ANKRD11: variants seen among roughly 807,000 people sequenced by gnomAD.
The protein encoded by ANKRD11 is ankyrin repeat domain 11, also known as ankyrin repeat domain-containing protein 11.
Under a neutral mutation model 195.7 loss-of-function variants are expected in ANKRD11, and 17 were observed. The ratio of observed to expected loss-of-function variants is 0.09; its 90% CI spans 0.06 to 0.13. The LOEUF is 0.13. Among genes scored for constraint, ANKRD11 ranks in the 10% least tolerant of loss-of-function variants. The probability of loss-of-function intolerance (pLI) is 1.00; values close to 1 mark genes in which losing one functional copy is unlikely to be tolerated. For synonymous variants in ANKRD11, 1,953 were observed against 1,528.1 expected, an observed-to-expected ratio of 1.28 and a Z score of -6.49; for missense variants, 3,735 against 3,566.1, an observed-to-expected ratio of 1.05 and a Z score of -1.21.
intron 11 of ANKRD11, 191 bp downstream of exon 11, chr16:89,274,623 C>A (rs1188481316): frequency 2.4e-6 from 2 of 826,994 alleles, no homozygotes; most frequent in African/African-American, 3.4e-5. Context: ...TGTCTGCTGT[C>A]TGCTGCAGCC....
intron 2 of ANKRD11, among the ~76,000 whole-genome samples, chr16:89,354,482 ACAGAGGG>A (rs1210047119): frequency 6.6e-6 from 1 of 152,224 alleles, no homozygotes. Flanking sequence ...TGGAAATGTC[ACAGAGGG>A]CAGAGGGCAG....
At chr16:89,477,429 C>A (rs1472059420) in intron 1 of ANKRD11, among the ~76,000 whole-genome samples, 1 of 152,072 alleles carries the variant, frequency 6.6e-6, no homozygotes, top group African/African-American at 2.4e-5. Flanking sequence ...GATTCTGGCT[C>A]ACTGCAACCT....
chr16:89,484,272 T>C (rs958189632), intron 1 of ANKRD11, among the ~76,000 whole-genome samples: 2 of 152,188 alleles, frequency 1.3e-5, no homozygotes, highest in Non-Finnish European at 2.9e-5. Flanking sequence ...TCTAGAAACA[T>C]GGTGGATACT....
chr16:89,405,621 G>A (rs1196177328), intron 2 of ANKRD11, among the ~76,000 whole-genome samples: 3 of 151,278 alleles, frequency 2.0e-5, no homozygotes, highest in Admixed American at 6.6e-5. Context: ...GGCCTGAGCC[G>A]CCATGCCCGG....
At chr16:89,275,348 C>T (rs2033561041) in intron 9 of ANKRD11, among the ~76,000 whole-genome samples, 157 bp from the exon 10 acceptor site, 1 of 152,234 alleles carries the variant, frequency 6.6e-6, no homozygotes, top group South Asian at 2.1e-4. Flanking sequence ...CACCAGGAAG[C>T]TTCTAGAAAC....
At chr16:89,326,955 G>A (rs2037760686) in intron 2 of ANKRD11, among the ~76,000 whole-genome samples, 2 of 152,130 alleles carry the variant, frequency 1.3e-5, no homozygotes, top group Non-Finnish European at 2.9e-5. Flanking sequence ...GCAGAGAAAA[G>A]CAGGTACAGC....
At chr16:89,370,033 C>G (rs935831641) in intron 2 of ANKRD11, among the ~76,000 whole-genome samples, 1 of 152,242 alleles carries the variant, frequency 6.6e-6, no homozygotes, top group Non-Finnish European at 1.5e-5. Flanking sequence ...CAAGACCATC[C>G]AGTAACGAGA....
intron 2 of ANKRD11, among the ~76,000 whole-genome samples, chr16:89,349,154 A>AAAAAAAAAAAAAGAAAAAAG (rs2039085356): frequency 6.8e-6 from 1 of 146,618 alleles, no homozygotes; most frequent in Non-Finnish European, 1.5e-5. Flanking sequence ...AAAAAAAAAA[A>AAAAAAAAAAAAAGAAAAAAG]AAAAAAAGAA....
intron 2 of ANKRD11, among the ~76,000 whole-genome samples, chr16:89,375,861 C>A (rs910386268): frequency 1.3e-5 from 2 of 152,006 alleles, no homozygotes; most frequent in Non-Finnish European, 2.9e-5. Flanking sequence ...CACCACAGAC[C>A]CACACAAAGT....
intron 2 of ANKRD11, among the ~76,000 whole-genome samples, chr16:89,337,007 CAAAAA>C (rs60248736): frequency 6.3e-5 from 3 of 47,728 alleles, no homozygotes; most frequent in Admixed American, 6.3e-4. Context: ...CTGGCTCTAC[CAAAAA>C]AAAAAAAAAA....
At chr16:89,428,455 G>C (rs2042823151) in intron 1 of ANKRD11, among the ~76,000 whole-genome samples, 1 of 152,164 alleles carries the variant, frequency 6.6e-6, no homozygotes, top group Non-Finnish European at 1.5e-5. Context: ...GAACCTGGGA[G>C]GCGGAGCTTG....
intron 2 of ANKRD11, among the ~76,000 whole-genome samples, chr16:89,325,434 T>G (rs2037645054): frequency 7.4e-6 from 1 of 134,502 alleles, no homozygotes. Flanking sequence ...CCAGACCCTC[T>G]CCCCTCTCCC....
chr16:89,337,286 G>C (rs1041270401), intron 2 of ANKRD11, among the ~76,000 whole-genome samples: 4 of 151,882 alleles, frequency 2.6e-5, no homozygotes, highest in Admixed American at 6.6e-5. Flanking sequence ...TCAGAAAGGA[G>C]AGGACTTCAG....
chr16:89,345,046 G>C (rs878970406), intron 2 of ANKRD11, among the ~76,000 whole-genome samples: 1 of 152,172 alleles, frequency 6.6e-6, no homozygotes, highest in African/African-American at 2.4e-5. Flanking sequence ...CGGTGCTCCA[G>C]GGAAGCCCAG....
chr16:89,479,180 G>A (rs1046649991), intron 1 of ANKRD11, among the ~76,000 whole-genome samples: 1 of 152,068 alleles, frequency 6.6e-6, no homozygotes, highest in African/African-American at 2.4e-5. Context: ...TCAGGTGACA[G>A]TTAACTGACG....
chr16:89,379,198 C>T (rs2040544003), intron 2 of ANKRD11, among the ~76,000 whole-genome samples: 3 of 152,360 alleles, frequency 2.0e-5, no homozygotes, highest in South Asian at 4.1e-4. Flanking sequence ...TGGCAGCCGG[C>T]GGGCTAGAAG....
rs924955252 is a variant in ANKRD11 at position 89,326,239 on chromosome 16, C to T, written c.-59-9161G>A. On this transcript the variant is annotated intron_variant, in intron 2 of 12. Transcript: ENST00000301030. Reference sequence around the variant, plus strand: ...CTCAGCAGATTTCCTCCAAGGCTTGCGAGGGTGGAAATAAACACACGGAAG... The same window carrying T: ...CTCAGCAGATTTCCTCCAAGGCTTGTGAGGGTGGAAATAAACACACGGAAG... Among the ~76,000 whole-genome samples, 6 of 152,170 alleles carry T rather than the reference C, an allele frequency of 3.9e-5. No homozygotes were observed. In the South Asian group the frequency reaches 1.0e-3, roughly 26 times the overall value.
rs1287689812 is a variant in ANKRD11 at position 89,314,531 on chromosome 16, C to T, written c.87+2402G>A. Reference sequence around the variant, plus strand: ...CGCCAACACGACCTGCTCTCTGTGGCTCTTCCGGCCTTTCTCGTCTCGTGC... The same window carrying T: ...CGCCAACACGACCTGCTCTCTGTGGTTCTTCCGGCCTTTCTCGTCTCGTGC... On this transcript the variant is annotated intron_variant, in intron 3 of 12. Transcript: ENST00000301030. Among the ~76,000 whole-genome samples, 4 of 152,312 alleles carry T rather than the reference C, an allele frequency of 2.6e-5. No individual in the cohort carries two copies. In the East Asian group the frequency reaches 7.7e-4, roughly 29 times the overall value.
chr16:89,304,050 C>T (rs745421496), intron 4 of ANKRD11, among the ~76,000 whole-genome samples: 1 of 152,246 alleles, frequency 6.6e-6, no homozygotes, highest in Non-Finnish European at 1.5e-5. Flanking sequence ...TAGTGCTCTA[C>T]TGCCTCCAAC....
Sources: allele counts gnomAD v4.1 joint callset (sites outside exome capture counted in the v4.1 genomes callset), GRCh38; gene constraint gnomAD v4.1.1; transcripts MANE v1.5; gene names NCBI Gene and HGNC (gene_info 2026-07-23, HGNC 2026-07-21).